Variants in ZSCAN25 observed in about 807,000 individuals in gnomAD.
The protein encoded by ZSCAN25 is zinc finger and SCAN domain-containing protein 25.
A neutral mutation model predicts 38.7 loss-of-function variants in ZSCAN25; 27 were observed. The ratio of observed to expected loss-of-function variants is 0.70; its 90% CI spans 0.51 to 0.96. ZSCAN25 has a LOEUF of 0.96. ZSCAN25 is among the 40% of genes least tolerant of loss of function. The pLI is 0.00. For missense variants in ZSCAN25, 637 were observed against 705.9 expected, an observed-to-expected ratio of 0.90 and a Z score of 1.11; for synonymous variants, 273 against 277.7, an observed-to-expected ratio of 0.98 and a Z score of 0.17.
intron 5 of ZSCAN25, chr7:99,622,234 T>G (rs1584349761): frequency 2.9e-6 from 1 of 343,942 alleles, no homozygotes; most frequent in East Asian, 7.7e-5. Flanking sequence ...CCACGTAGCT[T>G]TATTTTGTTA....
the ZSCAN25 span, among the ~76,000 whole-genome samples, chr7:99,693,437 A>C: frequency 1.3e-5 from 2 of 152,214 alleles, no homozygotes; most frequent in African/African-American, 4.8e-5. Context: ...CAGAGCTGTC[A>C]GACAGGGACG....
At chr7:99,675,667 C>CCCCTCCCCTCCCCTCT in the ZSCAN25 span, among the ~76,000 whole-genome samples, 1 of 63,438 alleles carries the variant, frequency 1.6e-5, no homozygotes, top group African/African-American at 7.3e-5. Flanking sequence ...CCCTCCCCTC[C>CCCCTCCCCTCCCCTCT]CCTCTCCTTC....
intron 1 of ZSCAN25, among the ~76,000 whole-genome samples, chr7:99,617,389 C>A (rs542454787): frequency 2.0e-5 from 3 of 152,222 alleles, no homozygotes; most frequent in South Asian, 4.1e-4. Context: ...GATGAGCCAG[C>A]CTGGTCAACA....
At chr7:99,639,335 A>G in the ZSCAN25 span, among the ~76,000 whole-genome samples, 1 of 152,222 alleles carries the variant, frequency 6.6e-6, no homozygotes, top group Admixed American at 6.5e-5. Context: ...TAGAAAACAA[A>G]GGAGTTTTAC....
At chr7:99,654,050 A>C in the ZSCAN25 span, among the ~76,000 whole-genome samples, 4,759 of 152,096 alleles carry the variant, frequency 0.031, 242 homozygotes, top group African/African-American at 0.11. Flanking sequence ...TGTGAGCAAT[A>C]AATGCTTCTC....
chr7:99,656,354 G>A, the ZSCAN25 span, among the ~76,000 whole-genome samples: 37,054 of 151,990 alleles, frequency 0.24, 8,244 homozygotes, highest in African/African-American at 0.59. Context: ...GGGTTTTGTC[G>A]TTGGTTCTGT....
At chr7:99,694,819 G>A in the ZSCAN25 span, among the ~76,000 whole-genome samples, 2 of 152,116 alleles carry the variant, frequency 1.3e-5, no homozygotes, top group African/African-American at 4.8e-5. Context: ...TCCATCCAGA[G>A]GCCAGGCCCT....
chr7:99,692,539 A>G, the ZSCAN25 span, among the ~76,000 whole-genome samples: 1 of 152,146 alleles, frequency 6.6e-6, no homozygotes, highest in African/African-American at 2.4e-5. Flanking sequence ...CACCTGTCAA[A>G]TGTAGATTTG....
chr7:99,651,308 T>G, the ZSCAN25 span, among the ~76,000 whole-genome samples: 2 of 152,220 alleles, frequency 1.3e-5, no homozygotes, highest in African/African-American at 4.8e-5. Context: ...TGGATTTATG[T>G]AAATCATATG....
In ZSCAN25 at chr7:99,632,404, T is replaced by C; in HGVS notation, c.*2384T>C. 1 of 392,624 alleles carries C rather than the reference T, an allele frequency of 2.5e-6. No homozygotes were observed. Among genetic ancestry groups the C allele is most frequent in the Non-Finnish European group, 3.5e-6 (1 of 288,174 alleles). The allele number at this position is 392,624 out of a possible 1,614,324, so 24.3% of individuals were successfully genotyped here. A position where few individuals can be genotyped will look rare whatever the true frequency, so the allele number is the denominator to read the frequency against. On this transcript the variant is annotated 3_prime_UTR_variant, in exon 8 of 8. Coordinates refer to ENST00000394152, the MANE Select transcript of ZSCAN25 (RefSeq NM_145115.3). ...GACTTTATTATAAACTCATAATCAA[T>C]CTTGTTTCATCTCTGTCCACTCCTT...
At chr7:99,734,484 T>C in the ZSCAN25 span, among the ~76,000 whole-genome samples, 1 of 152,208 alleles carries the variant, frequency 6.6e-6, no homozygotes, top group Non-Finnish European at 1.5e-5. Flanking sequence ...CCTAAACCCT[T>C]CTTTCCACTA....
downstream of ZSCAN25, among the ~76,000 whole-genome samples, chr7:99,634,820 G>A (rs2151312771): frequency 6.6e-6 from 1 of 151,694 alleles, no homozygotes; most frequent in African/African-American, 2.4e-5. Flanking sequence ...AACAAAATTA[G>A]CCAAGCGTGG....
chr7:99,665,440 G>T, the ZSCAN25 span: 1 of 1,340,046 alleles, frequency 7.5e-7, no homozygotes, highest in Non-Finnish European at 1.1e-6. Flanking sequence ...AGAACTATCT[G>T]CTGAATCATC....
Position 99,619,543 on chromosome 7 carries a change from G to A in ZSCAN25, c.-46-18G>A. ...ACTGGGATGGGCTGACCTTTCATGT[G>A]TCTCTTGTTCTCAAAAGGGTCATTG... On this transcript the variant is annotated intron_variant, in intron 3 of 7. Coordinates refer to ENST00000394152, the MANE Select transcript of ZSCAN25 (RefSeq NM_145115.3). 1 of 1,525,338 alleles carries A rather than the reference G, an allele frequency of 6.6e-7. No individual in the cohort carries two copies. Among genetic ancestry groups the A allele is most frequent in the South Asian group, 1.3e-5 (1 of 77,648 alleles). The allele number at this position is 1,525,338 out of a possible 1,614,324, so 94.5% of individuals were successfully genotyped here.
At chr7:99,669,397 T>A in the ZSCAN25 span, among the ~76,000 whole-genome samples, 1 of 152,220 alleles carries the variant, frequency 6.6e-6, no homozygotes, top group Non-Finnish European at 1.5e-5. Context: ...TCGGACTCAA[T>A]CGTAAGGTAA....
chr7:99,678,725 C>T, the ZSCAN25 span, among the ~76,000 whole-genome samples: 1 of 152,220 alleles, frequency 6.6e-6, no homozygotes, highest in Non-Finnish European at 1.5e-5. Flanking sequence ...AAATGTTAGA[C>T]AATGGAAACC....
the ZSCAN25 span, chr7:99,734,983 T>G: frequency 1.9e-5 from 31 of 1,613,510 alleles, no homozygotes; most frequent in Non-Finnish European, 2.6e-5. Flanking sequence ...GCACCCCAAG[T>G]CCAAGGAAAC....
the ZSCAN25 span, among the ~76,000 whole-genome samples, chr7:99,716,580 T>C: frequency 6.6e-6 from 1 of 152,184 alleles, no homozygotes. Context: ...ATATCCCCTG[T>C]CTGCCCAGGA....
the ZSCAN25 span, among the ~76,000 whole-genome samples, chr7:99,711,126 C>T: frequency 2.6e-5 from 4 of 152,186 alleles, no homozygotes; most frequent in Non-Finnish European, 4.4e-5. Flanking sequence ...ACCATCCGCT[C>T]CTCCTCGTGC....
Sources: gnomAD v4.1 joint callset for allele counts (sites outside exome capture counted in the v4.1 genomes callset) on GRCh38, gnomAD v4.1.1 for gene constraint, MANE v1.5 for transcripts, NCBI Gene and HGNC (gene_info 2026-07-23, HGNC 2026-07-21) for gene names.